The following ZNF365 variants were observed in gnomAD, a reference collection of about 807,000 sequenced individuals.
ZNF365 encodes protein ZNF365.
A neutral mutation model predicts 35.0 loss-of-function variants in ZNF365; 22 were observed. That is an observed-to-expected ratio of 0.63 (90% CI 0.45 to 0.90). The LOEUF is 0.90. Among genes scored for constraint, ZNF365 ranks in the 40% least tolerant of loss-of-function variants. ZNF365 has a pLI of 0.00. For synonymous variants in ZNF365, 188 were observed against 196.2 expected, an observed-to-expected ratio of 0.96 and a Z score of 0.35; for missense variants, 448 against 500.3, an observed-to-expected ratio of 0.90 and a Z score of 1.00.
Position 62,399,842 on chromosome 10 carries a change from C to A in ZNF365, c.*53C>A. 1 of 1,541,314 alleles carries A rather than the reference C, an allele frequency of 6.5e-7. No individual in the cohort carries two copies. Among genetic ancestry groups the A allele is most frequent in the Non-Finnish European group, 8.8e-7 (1 of 1,142,554 alleles). ...CGCTGGGCTTTGGGGAACGTTGTTC[C>A]AGGAGCCAACAGTAATGTCTTTCTG... On this transcript the variant is annotated 3_prime_UTR_variant, in exon 5 of 5. Coordinates refer to ENST00000395254, the MANE Select transcript of ZNF365 (RefSeq NM_014951.3).
intron 3 of ZNF365, among the ~76,000 whole-genome samples, chr10:62,398,087 C>G (rs546185730): frequency 6.6e-6 from 1 of 152,320 alleles, no homozygotes; most frequent in South Asian, 2.1e-4. Context: ...CCAGCAATCC[C>G]TCTACTGGGT....
chr10:62,385,659 G>C (rs1206738600), intron 2 of ZNF365, among the ~76,000 whole-genome samples: 3 of 152,006 alleles, frequency 2.0e-5, no homozygotes, highest in Non-Finnish European at 2.9e-5. Flanking sequence ...TGGGATTTTG[G>C]GTCATTTTTA....
chr10:62,468,202 TCCA>T (rs891815903), intron 4 of ZNF365, among the ~76,000 whole-genome samples: 1 of 152,130 alleles, frequency 6.6e-6, no homozygotes, highest in Non-Finnish European at 1.5e-5. Flanking sequence ...AGAAAAAATA[TCCA>T]CCACCTTAGT....
At chr10:62,402,914 G>A (rs1839852611), downstream of ZNF365, among the ~76,000 whole-genome samples, 1 of 152,198 alleles carries the variant, frequency 6.6e-6, no homozygotes, top group African/African-American at 2.4e-5. Context: ...TAAGAACCAT[G>A]AAATCAGGAA....
At chr10:62,451,761 T>C (rs1437483932) in intron 3 of ZNF365, among the ~76,000 whole-genome samples, 1 of 152,132 alleles carries the variant, frequency 6.6e-6, no homozygotes, top group Non-Finnish European at 1.5e-5. Flanking sequence ...CCCCTGTGTC[T>C]GGTGCAGACC....
intron 3 of ZNF365, among the ~76,000 whole-genome samples, chr10:62,454,265 A>G (rs1004445920): frequency 6.6e-6 from 1 of 152,222 alleles, no homozygotes; most frequent in Non-Finnish European, 1.5e-5. Context: ...AAAAGTCTGT[A>G]CAATATGACA....
intron 3 of ZNF365, among the ~76,000 whole-genome samples, chr10:62,421,806 C>G (rs1380443484): frequency 3.3e-5 from 5 of 152,148 alleles, no homozygotes; most frequent in African/African-American, 1.2e-4. Context: ...TCTGTTTGCT[C>G]TATGCAGAAT....
At chr10:62,428,767 A>T (rs1010389862) in intron 3 of ZNF365, among the ~76,000 whole-genome samples, 108 of 152,224 alleles carry the variant, frequency 7.1e-4, no homozygotes, top group African/African-American at 2.5e-3. Context: ...CCCACTTGAC[A>T]CTGAACGTGG....
chr10:62,393,991 T>C (rs533260351), intron 3 of ZNF365, among the ~76,000 whole-genome samples: 1 of 152,194 alleles, frequency 6.6e-6, no homozygotes, highest in South Asian at 2.1e-4. Flanking sequence ...CTTTGAACCA[T>C]AGTCAGACAC....
intron 4 of ZNF365, among the ~76,000 whole-genome samples, chr10:62,463,051 G>A (rs776739366): frequency 2.0e-5 from 3 of 152,150 alleles, no homozygotes; most frequent in Non-Finnish European, 4.4e-5. Flanking sequence ...CTAGTGCCCT[G>A]ATCTATCCTT....
At chr10:62,423,321 A>C (rs757857004) in intron 3 of ZNF365, among the ~76,000 whole-genome samples, 2 of 152,236 alleles carry the variant, frequency 1.3e-5, no homozygotes, top group East Asian at 3.9e-4. Context: ...GTATACTAAG[A>C]TACATTTTGA....
chr10:62,454,527 C>T (rs1258475848), intron 3 of ZNF365, among the ~76,000 whole-genome samples: 2 of 152,104 alleles, frequency 1.3e-5, no homozygotes, highest in Non-Finnish European at 2.9e-5. Context: ...TACGGAAACA[C>T]TGAGAGTGCC....
intron 2 of ZNF365, among the ~76,000 whole-genome samples, chr10:62,386,520 T>G (rs1564569057): frequency 6.6e-6 from 1 of 152,208 alleles, no homozygotes; most frequent in Non-Finnish European, 1.5e-5. Flanking sequence ...TGAATCATTA[T>G]TAGAGCCAGC....
At chr10:62,444,558 A>G (rs971401921) in intron 3 of ZNF365, among the ~76,000 whole-genome samples, 3 of 152,000 alleles carry the variant, frequency 2.0e-5, no homozygotes, top group Admixed American at 6.5e-5. Flanking sequence ...GGATGCATCA[A>G]CCACCCTAAC....
At position 62,447,372 on chromosome 10, in the gene ZNF365, T is replaced by C. The variant is rs551567010; in HGVS notation, c.925-12369T>C. Among the ~76,000 whole-genome samples the C allele has an allele frequency of 6.6e-5, 10 of 152,324 alleles. No homozygotes were observed. In the South Asian group the frequency reaches 1.9e-3, roughly 28 times the overall value. On this transcript the variant is annotated intron_variant, in intron 3 of 4. Coordinates refer to the ZNF365 transcript ENST00000395255. ...GAGTGAGATGCTAAGTGACATAAAC[T>C]GCTTCACTCTTAAACCAGGATCTAG...
intron 3 of ZNF365, among the ~76,000 whole-genome samples, chr10:62,416,598 C>T (rs1161515938): frequency 2.0e-5 from 3 of 152,058 alleles, no homozygotes; most frequent in Non-Finnish European, 4.4e-5. Context: ...CATGTTGAAT[C>T]TTATTGAGGC....
Position 62,375,865 on chromosome 10 carries a change from G to T in ZNF365, c.-13-316G>T, listed in dbSNP as rs764058768. ...TACCCACCTTTTTGATTCTAGGTAG[G>T]AGTTGGCAAACTTTTTCTGTAAAGG... On this transcript the variant is annotated intron_variant, in intron 1 of 4. Transcript: ENST00000395254. The T allele has an allele frequency of 4.2e-5, 10 of 239,690 alleles. No homozygotes were observed. The South Asian group carries it at 6.1e-4, about 15-fold the overall frequency. 14.8% of individuals were successfully genotyped at this position (239,690 alleles called of 1,614,324 possible).
chr10:62,413,051 G>A lies in ZNF365; in HGVS notation c.924+24475G>A, dbSNP rs190710490. Among the ~76,000 whole-genome samples the A allele has an allele frequency of 3.1e-4, 47 of 152,262 alleles. 1 individual carries two copies. In the East Asian group the frequency reaches 8.5e-3, roughly 28 times the overall value. ...CTCAAGTGGTAACAAAAACTCCTCTGAGATTACTGTATAGCAATGGTTCTA... is the reference window on the plus strand; with the variant it reads ...CTCAAGTGGTAACAAAAACTCCTCTAAGATTACTGTATAGCAATGGTTCTA... On this transcript the variant is annotated intron_variant, in intron 3 of 4. Coordinates refer to the ZNF365 transcript ENST00000395255.
chr10:62,448,099 G>T (rs1171309903), intron 3 of ZNF365, among the ~76,000 whole-genome samples: 1 of 151,998 alleles, frequency 6.6e-6, no homozygotes. Context: ...ATTTCTTTTT[G>T]TTGCATTTAA....
Sources: gnomAD v4.1 joint callset for allele counts (sites outside exome capture counted in the v4.1 genomes callset) on GRCh38, gnomAD v4.1.1 for gene constraint, MANE v1.5 for transcripts, NCBI Gene and HGNC (gene_info 2026-07-23, HGNC 2026-07-21) for gene names.